Variants in JAKMIP3 observed in about 807,000 individuals in gnomAD.
JAKMIP3 encodes the protein Janus kinase and microtubule interacting protein 3, also known as janus kinase and microtubule-interacting protein 3.
Under a neutral mutation model 118.5 loss-of-function variants are expected in JAKMIP3, and 58 were observed. That is an observed-to-expected ratio of 0.49 (90% CI 0.40 to 0.61). JAKMIP3 has a LOEUF of 0.61. Among genes scored for constraint, JAKMIP3 ranks in the 20% least tolerant of loss-of-function variants. The pLI is 0.00. For synonymous variants in JAKMIP3, 486 were observed against 451.2 expected, an observed-to-expected ratio of 1.08 and a Z score of -0.98; for missense variants, 950 against 1,109.0, an observed-to-expected ratio of 0.86 and a Z score of 2.04.
intron 3 of JAKMIP3, among the ~76,000 whole-genome samples, chr10:132,128,901 GTCTGTT>G (rs1422806590): frequency 1.3e-5 from 2 of 152,148 alleles, no homozygotes; most frequent in African/African-American, 4.8e-5. Flanking sequence ...TCATCTCTGG[GTCTGTT>G]TCTATCAATC....
At chr10:132,140,753 C>T (rs978886493) in intron 10 of JAKMIP3, among the ~76,000 whole-genome samples, 174 bp downstream of exon 10, 3 of 152,186 alleles carry the variant, frequency 2.0e-5, no homozygotes, top group African/African-American at 4.8e-5. Context: ...GGCACTGACC[C>T]GCTGATAGCT....
At chr10:132,177,468 GCA>G (rs2060249700) in intron 23 of JAKMIP3, among the ~76,000 whole-genome samples, 1 of 148,780 alleles carries the variant, frequency 6.7e-6, no homozygotes, top group African/African-American at 2.5e-5. Context: ...ATGTGTGTGT[GCA>G]CACTGTGCAT....
intron 16 of JAKMIP3, 43 bp downstream of exon 16, chr10:132,150,084 AC>A: frequency 6.6e-7 from 1 of 1,504,870 alleles, no homozygotes; most frequent in Non-Finnish European, 9.0e-7. Flanking sequence ...TACACCCACA[AC>A]CCCCAGCCCA....
rs2038022671 is a variant in JAKMIP3 at position 132,049,044 on chromosome 10, C to T, written c.-138+12306C>T. On this transcript the variant is annotated intron_variant, in intron 1 of 23. Transcript: ENST00000657785. This position sits in a 1 kb window ranked among gnomAD's most constrained non-coding sequence, Gnocchi z 4.3. ...TTGTTTCTTTACTTCTCTGCATGTC[C>T]TGAAAGCCTGCTGCTGGTCCCGGCC... Among the ~76,000 whole-genome samples, 1 of 151,950 alleles carries T rather than the reference C, an allele frequency of 6.6e-6. No homozygotes were observed. Among genetic ancestry groups the T allele is most frequent in the African/African-American group, 2.4e-5 (1 of 41,352 alleles).
chr10:132,061,171 ACACACACACCTGCCGTGACGGC>A (rs2038379897), upstream of JAKMIP3, among the ~76,000 whole-genome samples: 3 of 121,778 alleles, frequency 2.5e-5, no homozygotes, highest in Non-Finnish European at 3.9e-5. Context: ...TATCAATAGC[ACACACACACCTGCCGTGACGGC>A]GCACACACAC....
rs151234496 is a variant in JAKMIP3, at chr10:132,054,750, C to T, written c.-138+18012C>T. On this transcript the variant is annotated intron_variant, in intron 1 of 23. Transcript: ENST00000657785. ...TCAGGAATAGAGAGAAGCAGCACCA[C>T]GGACAGCACCGAAGCTGTTCCCCTG... Among the ~76,000 whole-genome samples the T allele has an allele frequency of 3.4e-3, 518 of 152,310 alleles. 1 individual carries two copies. Among genetic ancestry groups the T allele is most frequent in the African/African-American group, 0.012 (493 of 41,562 alleles).
intron 20 of JAKMIP3, 60 bp downstream of exon 20, chr10:132,163,472 A>G: frequency 6.8e-7 from 1 of 1,468,642 alleles, no homozygotes; most frequent in South Asian, 1.2e-5. Context: ...GCACAGAGCC[A>G]GGGGGGGTCC....
rs2038045522 is a variant in JAKMIP3, at chr10:132,049,746, A to C, written c.-138+13008A>C. Among the ~76,000 whole-genome samples the C allele has an allele frequency of 6.6e-6, 1 of 152,106 alleles. No homozygotes were observed. The highest frequency in any genetic ancestry group is 2.1e-4 in the South Asian group (1 of 4,826). The stretch of plus-strand genomic sequence containing the variant: ...TGATCCTCCCACCTTGGCCTCCCAA[A>C]GTGCTGGGATTACAGGAGTGAGCCA... On this transcript the variant is annotated intron_variant, in intron 1 of 23. Coordinates refer to the JAKMIP3 transcript ENST00000657785. This position sits in a 1 kb window ranked among gnomAD's most constrained non-coding sequence, Gnocchi z 4.3.
rs1287225697 is a variant in JAKMIP3 at position 132,180,596 on chromosome 10, TGCGTGC to T, written c.*1104-1755_*1104-1750del. 5.1e-3 allele frequency among the ~76,000 whole-genome samples: 124 copies of T among 24,350 alleles called. 29 individuals carry two copies. Among genetic ancestry groups the T allele is most frequent in the African/African-American group, 0.015 (89 of 5,946 alleles). 16.0% of individuals were successfully genotyped at this position (24,350 alleles called of 152,430 possible). A position where few individuals can be genotyped will look rare whatever the true frequency, so the allele number is the denominator to read the frequency against. On this transcript the variant is annotated intron_variant, in intron 23 of 23. Coordinates refer to ENST00000684848, the MANE Select transcript of JAKMIP3 (RefSeq NM_001323087.2). ...GTGTGTGTGCGTGCGCGTGTGTGTGTGCGTGCGCGTGTGTGTGTGCGTGTGTGTGCG... is the reference window on the plus strand; with the variant it reads ...GTGTGTGTGCGTGCGCGTGTGTGTGTGCGTGTGTGTGTGCGTGTGTGTGCG...
In JAKMIP3 at chr10:132,044,971, C is replaced by T. The variant is rs766054607; in HGVS notation, c.-138+8233C>T. Among the ~76,000 whole-genome samples, 8 of 152,144 alleles carry T rather than the reference C, an allele frequency of 5.3e-5. No homozygotes were observed. The highest frequency in any genetic ancestry group is 1.0e-4 in the Non-Finnish European group (7 of 68,040). On this transcript the variant is annotated intron_variant, in intron 1 of 23. Coordinates refer to the JAKMIP3 transcript ENST00000657785. This position sits in a 1 kb window ranked among gnomAD's most constrained non-coding sequence, Gnocchi z 5.3. ...AATCCTACTCCACGGAAGGGATGTG[C>T]GTTTTGCTGACTCATCATCCGCGGG...
rs1456703945 is a variant in JAKMIP3, at chr10:132,036,721, C to A, written c.-155C>A. Among the ~76,000 whole-genome samples the A allele has an allele frequency of 3.3e-5, 5 of 150,982 alleles. No individual in the cohort carries two copies. In the East Asian group the frequency reaches 9.7e-4, roughly 29 times the overall value. On this transcript the variant is annotated 5_prime_UTR_variant, in exon 1 of 24. Coordinates refer to the JAKMIP3 transcript ENST00000657785. ...CGGTCCGTCGGACGCCGCCCAGAGT[C>A]GCTCGCGGGGAGCCTCGGTGAGCAG...
At chr10:132,091,450 G>C (rs9732167) in intron 1 of JAKMIP3, among the ~76,000 whole-genome samples, 38,553 of 152,078 alleles carry the variant, frequency 0.25, 5,225 homozygotes, top group East Asian at 0.41. Context: ...ATGAATCTGG[G>C]TGCTCCTGTA....
At chr10:132,123,131 C>T (rs374779601) in intron 3 of JAKMIP3, among the ~76,000 whole-genome samples, 182 of 152,294 alleles carry the variant, frequency 1.2e-3, no homozygotes, top group African/African-American at 4.2e-3. Context: ...GTGGAAGGGG[C>T]GAGGCACTTT....
intron 1 of JAKMIP3, among the ~76,000 whole-genome samples, chr10:132,100,356 C>A (rs538904510): frequency 6.6e-6 from 1 of 152,176 alleles, no homozygotes; most frequent in Non-Finnish European, 1.5e-5. Context: ...CATGCCACAC[C>A]CAAGGTGGGG....
intron 1 of JAKMIP3, among the ~76,000 whole-genome samples, chr10:132,085,983 A>T (rs2042349248): frequency 1.3e-5 from 2 of 150,706 alleles, no homozygotes; most frequent in African/African-American, 2.5e-5. Flanking sequence ...GCTCTTGCAG[A>T]TTTTTTGATG....
intron 19 of JAKMIP3, among the ~76,000 whole-genome samples, chr10:132,158,228 G>A (rs2057333826): frequency 6.6e-6 from 1 of 152,194 alleles, no homozygotes; most frequent in African/African-American, 2.4e-5. Flanking sequence ...GGTCGGGAGA[G>A]TTGTCCCATG....
chr10:132,164,662 T>A lies in JAKMIP3; in HGVS notation c.2425-8T>A, dbSNP rs1252821021. 4 of 1,544,494 alleles carry A rather than the reference T, an allele frequency of 2.6e-6. No individual in the cohort carries two copies. The South Asian group carries it at 4.5e-5, about 17-fold the overall frequency. ...CTATTGAAGATGTTCTTCCTTTTAA[T>A]CTTGCAGAGAATTAAAGAGTTAGAA... is the stretch of plus-strand genomic sequence containing the variant. On this transcript the variant is annotated splice_polypyrimidine_tract_variant and splice_region_variant and intron_variant, in intron 20 of 23. Transcript: ENST00000684848.
Position 132,137,159 on chromosome 10 carries a change from C to T in JAKMIP3, c.1248+9C>T, listed in dbSNP as rs1053273456. On this transcript the variant is annotated intron_variant, in intron 7 of 23. Coordinates refer to ENST00000684848, the MANE Select transcript of JAKMIP3 (RefSeq NM_001323087.2). Reference sequence around the variant, plus strand: ...TAGATGAACTGTCTAAGGTACCCGGCGGGCTGTTTGCTGCGGCCCCGTCCT... The same window carrying T: ...TAGATGAACTGTCTAAGGTACCCGGTGGGCTGTTTGCTGCGGCCCCGTCCT... 1.1e-5 allele frequency: 17 copies of T among 1,613,698 alleles called. No individual in the cohort carries two copies. Among genetic ancestry groups the T allele is most frequent in the African/African-American group, 8.0e-5 (6 of 74,916 alleles).
intron 13 of JAKMIP3, 63 bp downstream of exon 13, chr10:132,145,643 G>A: frequency 7.3e-7 from 1 of 1,371,984 alleles, no homozygotes; most frequent in South Asian, 1.2e-5. Flanking sequence ...GGTTGCAGTG[G>A]TCCCTGCGGG....
Sources: gnomAD v4.1 joint callset for allele counts (sites outside exome capture counted in the v4.1 genomes callset) on GRCh38, gnomAD v4.1.1 for gene constraint, Gnocchi (gnomAD v3.1) non-coding constraint, MANE v1.5 for transcripts, NCBI Gene and HGNC (gene_info 2026-07-23, HGNC 2026-07-21) for gene names.